SSBP4: variants seen among roughly 807,000 people sequenced by gnomAD.
SSBP4 encodes the protein single stranded DNA binding protein 4.
A neutral mutation model predicts 64.6 loss-of-function variants in SSBP4; 33 were observed. That is an observed-to-expected ratio of 0.51 (90% confidence interval 0.39 to 0.68). The LOEUF is 0.68. SSBP4 is among the 30% of genes least tolerant of loss of function. The pLI is 0.00. For missense variants in SSBP4, 583 were observed against 566.8 expected, an observed-to-expected ratio of 1.03 and a Z score of -0.29; for synonymous variants, 243 against 224.0, an observed-to-expected ratio of 1.08 and a Z score of -0.76.
chr19:18,419,705 G>C lies in SSBP4; in HGVS notation c.57G>C (p.Glu19Asp), dbSNP rs2144667403. Reference sequence around the variant, plus strand: ...TGCCCTCCGACAGCCAGGCCCGCGAGAAGTGAGTGCGGGGCCGGGGGCGGG... The same window carrying C: ...TGCCCTCCGACAGCCAGGCCCGCGACAAGTGAGTGCGGGGCCGGGGGCGGG... ...SAVPSDSQAREKLALYVYEYL... is the reference protein window; with the variant it reads ...SAVPSDSQARDKLALYVYEYL... The change falls in exon 1 of 18, where the codon GAG becomes GAC. Residue 19 changes from glutamate to aspartate, a missense_variant and splice_region_variant. Glu to Asp is a conservative substitution (Grantham distance 45). Transcript: ENST00000270061. The C allele has an allele frequency of 1.7e-6, 2 of 1,175,048 alleles. No homozygotes were observed. Among genetic ancestry groups the C allele is most frequent in the Non-Finnish European group, 1.1e-6 (1 of 949,848 alleles). The allele number at this position is 1,175,048 out of a possible 1,614,324, so 72.8% of individuals were successfully genotyped here.
At position 18,431,374 on chromosome 19, in the gene SSBP4, TC is replaced by T. The variant is rs1270365641; in HGVS notation, c.397del (p.His133ThrfsTer7). On this transcript the variant is annotated frameshift_variant, in exon 6 of 18. Transcript: ENST00000270061. LOFTEE classifies it high-confidence loss of function. The stretch of plus-strand genomic sequence containing the variant: ...CTAGGGCCCCCCCGGCTCCCAGCCG[TC>T]CCCCCACAACCCCAACGCCCCCATG... ...FFQGPPGSQP[S>X]PHNPNAPMMG... 22 of 965,500 alleles carry T rather than the reference TC, an allele frequency of 2.3e-5. No homozygotes were observed. The highest frequency in any genetic ancestry group is 3.6e-5 in the South Asian group (2 of 55,586). 59.8% of individuals were successfully genotyped at this position (965,500 alleles called of 1,614,324 possible). A position where few individuals can be genotyped will look rare whatever the true frequency, so the allele number is the denominator to read the frequency against.
intron 15 of SSBP4, 60 bp downstream of exon 15, chr19:18,433,273 G>C: frequency 6.6e-7 from 1 of 1,522,880 alleles, no homozygotes; most frequent in Non-Finnish European, 8.8e-7. Flanking sequence ...CTCCCTGGCT[G>C]CTTCCCCCTG....
In SSBP4 at chr19:18,432,881, G is replaced by A. The variant is rs1304450347; in HGVS notation, c.839G>A (p.Gly280Glu). 3 of 1,613,936 alleles carry A rather than the reference G, an allele frequency of 1.9e-6. No individual in the cohort carries two copies. The highest frequency in any genetic ancestry group is 1.1e-5 in the South Asian group (1 of 91,094). ...GGAACACCCATCATGCCTAGCCCTG[G>A]AGGTATGGCCTAGTAAGAGGTGGGG... ...PPGTPIMPSPGDSTNSSENMY... is the reference protein window; with the variant it reads ...PPGTPIMPSPEDSTNSSENMY... Residue 280 changes from glycine to glutamate, a missense_variant and splice_region_variant, in exon 13 of 18, where the codon GGA becomes GAA. Gly to Glu is a moderately conservative substitution (Grantham distance 98, BLOSUM62 -2). Transcript: ENST00000270061.
chr19:18,407,434 T>C, the SSBP4 span, among the ~76,000 whole-genome samples: 3 of 152,160 alleles, frequency 2.0e-5, no homozygotes, highest in African/African-American at 7.2e-5. Context: ...TTTTTGTTTT[T>C]GAGACGGAGT....
At chr19:18,410,754 C>G in the SSBP4 span, among the ~76,000 whole-genome samples, 16 of 151,974 alleles carry the variant, frequency 1.1e-4, no homozygotes, top group African/African-American at 3.9e-4. Context: ...CTGGGATTCT[C>G]AGGAGTTGCT....
the SSBP4 span, among the ~76,000 whole-genome samples, chr19:18,408,840 G>T: frequency 6.6e-6 from 1 of 151,718 alleles, no homozygotes; most frequent in African/African-American, 2.4e-5. Flanking sequence ...TTGAGACAAG[G>T]TCTCACTCGG....
In SSBP4 at chr19:18,423,624, G is replaced by A. The variant is rs1972610048; in HGVS notation, c.60-3727G>A. ...TAATTATGGTAACTCGCGTCATTACGGTGGTAGCTGTGGTACATTTCAGGC... is the reference window on the plus strand; with the variant it reads ...TAATTATGGTAACTCGCGTCATTACAGTGGTAGCTGTGGTACATTTCAGGC... On this transcript the variant is annotated intron_variant, in intron 1 of 17. Coordinates refer to ENST00000270061, the MANE Select transcript of SSBP4 (RefSeq NM_032627.5). The surrounding 1 kb of genome is among the most constrained non-coding windows in gnomAD (Gnocchi z 4.0). Among the ~76,000 whole-genome samples, 2 of 152,130 alleles carry A rather than the reference G, an allele frequency of 1.3e-5. No homozygotes were observed. Among genetic ancestry groups the A allele is most frequent in the Non-Finnish European group, 2.9e-5 (2 of 68,028 alleles).
chr19:18,416,557 G>A (rs1446625384), upstream of SSBP4, among the ~76,000 whole-genome samples: 1 of 151,988 alleles, frequency 6.6e-6, no homozygotes, highest in African/African-American at 2.4e-5. Context: ...GCTCCCTAAT[G>A]CTCTTAGAAA....
At chr19:18,431,516 C>T (rs1396994277) in intron 6 of SSBP4, 98 bp downstream of exon 6, 1 of 1,342,462 alleles carries the variant, frequency 7.4e-7, no homozygotes, top group East Asian at 2.5e-5. Flanking sequence ...CTGGTGCCAG[C>T]TGGCCGGGCT....
chr19:18,406,884 C>A, the SSBP4 span, among the ~76,000 whole-genome samples: 1 of 152,042 alleles, frequency 6.6e-6, no homozygotes, highest in African/African-American at 2.4e-5. Context: ...GGAAGGTGGA[C>A]TGACATGGAC....
chr19:18,414,977 G>A (rs897908183), upstream of SSBP4, among the ~76,000 whole-genome samples: 4 of 152,192 alleles, frequency 2.6e-5, no homozygotes, highest in African/African-American at 9.6e-5. Context: ...ACCCTAGCTG[G>A]CTGTCCAAGG....
the SSBP4 span, among the ~76,000 whole-genome samples, chr19:18,411,901 C>A: frequency 1.3e-5 from 2 of 152,166 alleles, no homozygotes; most frequent in African/African-American, 4.8e-5. Context: ...CAGTGGCACA[C>A]ATCTGTAGTC....
At chr19:18,412,850 G>A in the SSBP4 span, among the ~76,000 whole-genome samples, 2 of 152,230 alleles carry the variant, frequency 1.3e-5, no homozygotes, top group Non-Finnish European at 1.5e-5. Flanking sequence ...GAAGCAGAGC[G>A]CTGGGTGCAC....
chr19:18,420,121 C>T (rs1972334449), intron 1 of SSBP4: 2 of 152,210 alleles, frequency 1.3e-5, no homozygotes, highest in Non-Finnish European at 1.5e-5. Flanking sequence ...GCATGGGGAT[C>T]GAGGTCAGCG....
At position 18,432,843 on chromosome 19, in the gene SSBP4, A is replaced by T. The variant is rs1973553112; in HGVS notation, c.801A>T (p.Gly267=). The T allele has an allele frequency of 6.2e-7, 1 of 1,613,812 alleles. No homozygotes were observed. Residue 267 remains glycine (G), a synonymous_variant, in exon 13 of 18, where the codon GGA becomes GGT. Coordinates refer to ENST00000270061, the MANE Select transcript of SSBP4 (RefSeq NM_032627.5). ...CTTGTGTGCAGGGACCCCCAGGAGG[A>T]GGTGGGCCCCCTGGAACACCCATCA... is the stretch of plus-strand genomic sequence containing the variant. The part of the protein sequence containing the change: ...SPGSYTGPPG[G]GGPPGTPIMP...
the SSBP4 span, among the ~76,000 whole-genome samples, chr19:18,409,587 G>T: frequency 6.6e-6 from 1 of 152,014 alleles, no homozygotes; most frequent in East Asian, 1.9e-4. Context: ...CGGGAGAGTA[G>T]GATGGTTCAA....
At position 18,433,199 on chromosome 19, in the gene SSBP4, T is replaced by C. The variant is rs766072525; in HGVS notation, c.977T>C (p.Val326Ala). The C allele has an allele frequency of 1.9e-6, 3 of 1,573,868 alleles. No individual in the cohort carries two copies. The highest frequency in any genetic ancestry group is 2.6e-6 in the Non-Finnish European group (3 of 1,160,536). ...AAMSAMEPHH[V>A]NGSLGSGDMD... ...ATGAGCGCGATGGAGCCTCACCACG[T>C]GAACGGATCCCTGGGTGAGTGGGCG... is the stretch of plus-strand genomic sequence containing the variant. The change falls in exon 15 of 18, where the codon GTG (valine) becomes GCG (alanine). Residue 326 changes from valine to alanine, a missense_variant. Transcript: ENST00000270061.
Position 18,433,420 on chromosome 19 carries a change from C to A in SSBP4, c.992-165C>A, listed in dbSNP as rs920588579. ...AGGATGCACTGACCGCCCCTCCCCC[C>A]CAGGCCCAACCCTCCACCTGGCCTC... On this transcript the variant is annotated intron_variant, in intron 15 of 17. Transcript: ENST00000270061. The A allele has an allele frequency of 6.7e-6, 9 of 1,344,752 alleles. No individual in the cohort carries two copies. The East Asian group carries it at 1.8e-4, about 26-fold the overall frequency. 83.3% of individuals were successfully genotyped at this position (1,344,752 alleles called of 1,614,324 possible). A position where few individuals can be genotyped will look rare whatever the true frequency, so the allele number is the denominator to read the frequency against.
chr19:18,431,731 G>A (rs746551164), intron 7 of SSBP4, 25 bp downstream of exon 7: 16 of 1,543,728 alleles, frequency 1.0e-5, no homozygotes, highest in East Asian at 4.9e-5. Flanking sequence ...AGGGGAGGGC[G>A]GGCAGGAGCT....
Sources: allele counts gnomAD v4.1 joint callset (sites outside exome capture counted in the v4.1 genomes callset), GRCh38; gene constraint gnomAD v4.1.1; non-coding constraint Gnocchi (gnomAD v3.1); transcripts MANE v1.5; gene names NCBI Gene and HGNC (gene_info 2026-07-23, HGNC 2026-07-21).